SUFU: variants seen among roughly 807,000 people sequenced by gnomAD.
SUFU encodes SUFU negative regulator of hedgehog signaling.
Under a neutral mutation model 58.9 loss-of-function variants are expected in SUFU, and 7 were observed. That is an observed-to-expected ratio of 0.12 (90% CI 0.07 to 0.22). The LOEUF is 0.22. Among genes scored for constraint, SUFU ranks in the 10% least tolerant of loss-of-function variants. The probability of loss-of-function intolerance (pLI) is 1.00; values close to 1 mark genes in which losing one functional copy is unlikely to be tolerated. For missense variants in SUFU, 451 were observed against 641.3 expected (o/e 0.70, Z 3.20); for synonymous variants, 232 against 254.8 (o/e 0.91, Z 0.85).
At chr10:102,545,802 T>C (rs2135733676) in intron 2 of SUFU, among the ~76,000 whole-genome samples, 1 of 152,134 alleles carries the variant, frequency 6.6e-6, no homozygotes, top group Admixed American at 6.5e-5. Flanking sequence ...AATGAAACCC[T>C]GTCTCTACTA....
At chr10:102,573,170 G>C (rs2063180224) in intron 3 of SUFU, 3 of 771,576 alleles carry the variant, frequency 3.9e-6, no homozygotes, top group Non-Finnish European at 4.7e-6. Context: ...CAAAGCCTTT[G>C]CTTTGGCTTC....
chr10:102,577,314 G>A (rs2063222834), intron 3 of SUFU, among the ~76,000 whole-genome samples: 1 of 151,722 alleles, frequency 6.6e-6, no homozygotes, highest in Non-Finnish European at 1.5e-5. Flanking sequence ...GGATTTTAAA[G>A]CTTCAAAGGA....
At chr10:102,519,527 CAAA>C (rs35007507) in intron 2 of SUFU, among the ~76,000 whole-genome samples, 3 of 127,408 alleles carry the variant, frequency 2.4e-5, no homozygotes, top group Non-Finnish European at 3.2e-5. Context: ...AACTCTGTCT[CAAA>C]AAAAAAAAAA....
intron 3 of SUFU, among the ~76,000 whole-genome samples, chr10:102,564,567 A>G (rs1177649092): frequency 6.6e-6 from 1 of 152,302 alleles, no homozygotes; most frequent in East Asian, 1.9e-4. Context: ...TCTTGGGGTC[A>G]AGTGATCCAC....
intron 8 of SUFU, among the ~76,000 whole-genome samples, chr10:102,608,705 C>G (rs2063588786): frequency 6.6e-6 from 1 of 152,160 alleles, no homozygotes; most frequent in South Asian, 2.1e-4. Context: ...GAGGTCCCCA[C>G]AGCGTTTTAG....
chr10:102,617,578 G>C lies in SUFU; in HGVS notation c.1296+150G>C, dbSNP rs2063700305. On this transcript the variant is annotated intron_variant, in intron 10 of 11. Coordinates refer to ENST00000369902, the MANE Select transcript of SUFU (RefSeq NM_016169.4). The surrounding 1 kb of genome is among the most constrained non-coding windows in gnomAD (Gnocchi z 4.4). ...ATTCAGGGCCTGGGGCCTGTGTGTA[G>C]GTATGGAGTGTGGATGCTGCTACCC... is the stretch of plus-strand genomic sequence containing the variant. 9.2e-7 allele frequency: 1 copy of C among 1,083,402 alleles called. No homozygotes were observed. The highest frequency in any genetic ancestry group is 1.5e-5 in the South Asian group (1 of 68,814). The allele number at this position is 1,083,402 out of a possible 1,614,324, so 67.1% of individuals were successfully genotyped here.
chr10:102,512,765 G>T lies in SUFU; in HGVS notation c.317+3462G>T, dbSNP rs2062416333. 2.6e-5 allele frequency among the ~76,000 whole-genome samples: 4 copies of T among 152,194 alleles called. No individual in the cohort carries two copies. In the South Asian group the frequency reaches 6.2e-4, roughly 24 times the overall value. ...CCCAGTTCTGGTCTATGTTGCAGAA[G>T]TCAAAAGTACTTCTATAGGCTGCGC... On this transcript the variant is annotated intron_variant, in intron 2 of 11. Coordinates refer to ENST00000369902, the MANE Select transcript of SUFU (RefSeq NM_016169.4).
At chr10:102,581,494 C>A (rs1472251902) in intron 3 of SUFU, among the ~76,000 whole-genome samples, 1 of 152,144 alleles carries the variant, frequency 6.6e-6, no homozygotes, top group Non-Finnish European at 1.5e-5. Flanking sequence ...TGCTCGTGGG[C>A]CTTCTGTTGA....
At chr10:102,589,333 A>G (rs1209132201) in intron 3 of SUFU, among the ~76,000 whole-genome samples, 2 of 151,770 alleles carry the variant, frequency 1.3e-5, no homozygotes, top group African/African-American at 4.8e-5. Flanking sequence ...TAATAGTTCT[A>G]GTAATTTTTA....
At chr10:102,579,373 G>T (rs1410441750) in intron 3 of SUFU, among the ~76,000 whole-genome samples, 1 of 152,202 alleles carries the variant, frequency 6.6e-6, no homozygotes, top group South Asian at 2.1e-4. Flanking sequence ...CCCTACACTC[G>T]CTTTGGGGTG....
At chr10:102,547,833 G>A (rs1203761284) in intron 2 of SUFU, among the ~76,000 whole-genome samples, 1 of 150,574 alleles carries the variant, frequency 6.6e-6, no homozygotes, top group African/African-American at 2.4e-5. Context: ...AGGCGGGGGG[G>A]AGAGAGAGAG....
intron 2 of SUFU, among the ~76,000 whole-genome samples, chr10:102,536,116 C>T (rs1391827329): frequency 6.6e-6 from 1 of 151,916 alleles, no homozygotes; most frequent in Non-Finnish European, 1.5e-5. Context: ...CTACAGGCGC[C>T]CACCAACACA....
At chr10:102,534,056 TGTG>T (rs1198379683) in intron 2 of SUFU, among the ~76,000 whole-genome samples, 1 of 151,958 alleles carries the variant, frequency 6.6e-6, no homozygotes, top group African/African-American at 2.4e-5. Flanking sequence ...TCAACAGAGG[TGTG>T]GTGGCTGAAG....
intron 2 of SUFU, among the ~76,000 whole-genome samples, chr10:102,530,638 G>A (rs956699339): frequency 6.6e-6 from 1 of 151,272 alleles, no homozygotes; most frequent in African/African-American, 2.4e-5. Flanking sequence ...ATTTTTTATA[G>A]AGATGGGGTC....
chr10:102,507,821 G>T (rs2062347261), intron 1 of SUFU, among the ~76,000 whole-genome samples: 1 of 152,226 alleles, frequency 6.6e-6, no homozygotes, highest in Non-Finnish European at 1.5e-5. Context: ...TGTCCCAGGG[G>T]CAGGTGAAGC....
At chr10:102,523,495 G>C (rs1273394472) in intron 2 of SUFU, among the ~76,000 whole-genome samples, 1 of 152,202 alleles carries the variant, frequency 6.6e-6, no homozygotes, top group African/African-American at 2.4e-5. Flanking sequence ...CTTTTGGCCT[G>C]TGATGGATTT....
At position 102,515,577 on chromosome 10, in the gene SUFU, A is replaced by G. The variant is rs568871790; in HGVS notation, c.317+6274A>G. On this transcript the variant is annotated intron_variant, in intron 2 of 11. Transcript: ENST00000369902. ...GTGATCCACCCACCTCAGCCTCCCA[A>G]AGTGCTGGGATTACAGGTGTGAGCC... is the stretch of plus-strand genomic sequence containing the variant. Among the ~76,000 whole-genome samples, 5 of 152,110 alleles carry G rather than the reference A, an allele frequency of 3.3e-5. No individual in the cohort carries two copies. In the East Asian group the frequency reaches 5.8e-4, roughly 18 times the overall value.
At position 102,582,903 on chromosome 10, in the gene SUFU, G is replaced by A. The variant is rs144943315; in HGVS notation, c.455-9679G>A. On this transcript the variant is annotated intron_variant, in intron 3 of 11. Coordinates refer to ENST00000369902, the MANE Select transcript of SUFU (RefSeq NM_016169.4). Reference sequence around the variant, plus strand: ...GAGCCTCTGCTGTGTGGTTTAAGTGGAGGTCTCTGGGATTTTCACCCTGAC... The same window carrying A: ...GAGCCTCTGCTGTGTGGTTTAAGTGAAGGTCTCTGGGATTTTCACCCTGAC... Among the ~76,000 whole-genome samples, 313 of 152,270 alleles carry A rather than the reference G, an allele frequency of 2.1e-3. 1 individual carries two copies. Among genetic ancestry groups the A allele is most frequent in the Non-Finnish European group, 3.3e-3 (224 of 68,018 alleles).
chr10:102,597,009 C>A, intron 6 of SUFU, 131 bp from the exon 7 acceptor site: 1 of 1,092,660 alleles, frequency 9.2e-7, no homozygotes, highest in Non-Finnish European at 1.4e-6. Context: ...AGATCCTGCT[C>A]TCCAGCATTT....
Sources: allele counts gnomAD v4.1 joint callset (sites outside exome capture counted in the v4.1 genomes callset), GRCh38; gene constraint gnomAD v4.1.1; non-coding constraint Gnocchi (gnomAD v3.1); transcripts MANE v1.5; gene names NCBI Gene and HGNC (gene_info 2026-07-23, HGNC 2026-07-21).